Variants in GMPS observed in about 807,000 individuals in gnomAD.
The protein encoded by GMPS is GMP synthase [glutamine-hydrolyzing].
In GMPS, 15 loss-of-function variants were observed where a neutral mutation model predicts 77.9. The ratio of observed to expected loss-of-function variants is 0.19; its 90% confidence interval spans 0.13 to 0.30. GMPS has a LOEUF of 0.30. Ranked by LOEUF, GMPS falls within the 10% of genes least tolerant of loss-of-function variation. The pLI is 1.00. For synonymous variants in GMPS, 224 were observed against 275.9 expected (o/e 0.81, Z 1.86); for missense variants, 590 against 838.8 (o/e 0.70, Z 3.66).
chr3:155,905,233 G>C (rs908732520), intron 4 of GMPS, among the ~76,000 whole-genome samples: 1 of 151,872 alleles, frequency 6.6e-6, no homozygotes, highest in East Asian at 1.9e-4. Flanking sequence ...TTGAACTCCC[G>C]ATCTCAGGTG....
chr3:155,897,427 C>CT (rs1164631990), intron 2 of GMPS, among the ~76,000 whole-genome samples: 1 of 152,162 alleles, frequency 6.6e-6, no homozygotes. Context: ...ATGGTGGATG[C>CT]TGTAAACAGG....
chr3:155,930,642 G>A (rs62287803), intron 12 of GMPS, among the ~76,000 whole-genome samples: 8,648 of 152,110 alleles, frequency 0.057, 331 homozygotes, highest in East Asian at 0.18. Flanking sequence ...AGAATCTACA[G>A]TGAACTCAAA....
rs374128530 is a variant in GMPS, at chr3:155,893,607, A to G, written c.117A>G (p.Lys39=). Residue 39 remains lysine (K), a synonymous_variant, in exon 2 of 16, where the codon AAA becomes AAG. Transcript: ENST00000496455. ...VILDAGAQYG[K]VIDRRVRELF... The stretch of plus-strand genomic sequence containing the variant: ...TGGATGCTGGTGCTCAGTACGGGAA[A>G]GTCATAGACCGAAGAGTGAGGGAAC... 128 of 1,612,454 alleles carry G rather than the reference A, an allele frequency of 7.9e-5. No homozygotes were observed. Among genetic ancestry groups the G allele is most frequent in the Non-Finnish European group, 1.1e-4 (125 of 1,178,578 alleles).
At chr3:155,928,351 A>G (rs1250198341) in intron 12 of GMPS, among the ~76,000 whole-genome samples, 3 of 152,076 alleles carry the variant, frequency 2.0e-5, no homozygotes, top group Non-Finnish European at 2.9e-5. Context: ...TATAGATGCT[A>G]TCACATTAGC....
At chr3:155,925,974 T>G (rs1324484304) in intron 12 of GMPS, among the ~76,000 whole-genome samples, 1 of 152,182 alleles carries the variant, frequency 6.6e-6, no homozygotes, top group Non-Finnish European at 1.5e-5. Context: ...AAAATGCTAC[T>G]TGCAAAATGA....
At chr3:155,887,562 G>A (rs1754365895) in intron 1 of GMPS, among the ~76,000 whole-genome samples, 1 of 152,218 alleles carries the variant, frequency 6.6e-6, no homozygotes, top group Admixed American at 6.5e-5. Context: ...AGGAGACAAT[G>A]TATGACAATG....
At chr3:155,887,236 A>G (rs1247169742) in intron 1 of GMPS, among the ~76,000 whole-genome samples, 1 of 152,188 alleles carries the variant, frequency 6.6e-6, no homozygotes, top group Non-Finnish European at 1.5e-5. Flanking sequence ...TCTAAGGGGA[A>G]GTCACTGTAA....
At chr3:155,888,064 C>T (rs1754377221) in intron 1 of GMPS, among the ~76,000 whole-genome samples, 1 of 152,044 alleles carries the variant, frequency 6.6e-6, no homozygotes, top group Non-Finnish European at 1.5e-5. Context: ...GACCAACATT[C>T]CTTTATTTTA....
chr3:155,906,332 G>A lies in GMPS; in HGVS notation c.526+69G>A, dbSNP rs1420687371. 8.7e-6 allele frequency: 7 copies of A among 806,980 alleles called. No individual in the cohort carries two copies. In the Admixed American group the frequency reaches 8.9e-5, roughly 10 times the overall value. The allele number at this position is 806,980 out of a possible 1,614,324, so 50.0% of individuals were successfully genotyped here. A position where few individuals can be genotyped will look rare whatever the true frequency, so the allele number is the denominator to read the frequency against. On this transcript the variant is annotated intron_variant, in intron 5 of 15. Coordinates refer to ENST00000496455, the MANE Select transcript of GMPS (RefSeq NM_003875.3). The stretch of plus-strand genomic sequence containing the variant: ...ATCTGAAGAGTAAGCATATGCTTCT[G>A]TATGAGGTACTCTTTGATTTTTCCT...
intron 2 of GMPS, among the ~76,000 whole-genome samples, chr3:155,895,862 C>A (rs187921667): frequency 3.3e-5 from 5 of 152,056 alleles, no homozygotes; most frequent in Admixed American, 2.0e-4. Context: ...AATCTTATAT[C>A]CTAGAGTTCT....
chr3:155,910,662 T>A lies in GMPS; in HGVS notation c.527-30T>A, dbSNP rs80329547. Reference sequence around the variant, plus strand: ...CTTGAGTCTTTTCAGCATGAAAAAATTTTAATTTGTGACTATTTTCTCTAT... The same window carrying A: ...CTTGAGTCTTTTCAGCATGAAAAAAATTTAATTTGTGACTATTTTCTCTAT... On this transcript the variant is annotated intron_variant, in intron 5 of 15. Transcript: ENST00000496455. 4.4e-4 allele frequency: 548 copies of A among 1,235,450 alleles called. 6 individuals are homozygous for A. The East Asian group carries it at 1.0e-2, about 22-fold the overall frequency. 76.5% of individuals were successfully genotyped at this position (1,235,450 alleles called of 1,614,324 possible). A position where few individuals can be genotyped will look rare whatever the true frequency, so the allele number is the denominator to read the frequency against.
intron 2 of GMPS, among the ~76,000 whole-genome samples, chr3:155,897,391 C>T (rs1418275976): frequency 6.6e-6 from 1 of 152,152 alleles, no homozygotes. Flanking sequence ...AGCTCCCTTT[C>T]CTGGGCTCAG....
intron 1 of GMPS, among the ~76,000 whole-genome samples, chr3:155,886,745 A>G (rs1754349222): frequency 6.8e-6 from 1 of 147,886 alleles, no homozygotes; most frequent in Non-Finnish European, 1.5e-5. Context: ...TGACCTTGTG[A>G]TCCACCCGCC....
chr3:155,911,887 A>T (rs1755048456), intron 7 of GMPS, among the ~76,000 whole-genome samples: 1 of 151,876 alleles, frequency 6.6e-6, no homozygotes, highest in African/African-American at 2.4e-5. Context: ...ATTTAATGAT[A>T]TTTATGTACG....
At chr3:155,914,755 TG>T (rs1214410013) in intron 8 of GMPS, among the ~76,000 whole-genome samples, 185 bp downstream of exon 8, 1 of 151,992 alleles carries the variant, frequency 6.6e-6, no homozygotes, top group Non-Finnish European at 1.5e-5. Context: ...GTTTTTTTGT[TG>T]TTGTTTGGTT....
chr3:155,938,827 T>G lies in GMPS; in HGVS notation c.*1135T>G, dbSNP rs1755822822. The G allele has an allele frequency of 4.7e-6, 1 of 212,526 alleles. No individual in the cohort carries two copies. The highest frequency in any genetic ancestry group is 9.5e-6 in the Non-Finnish European group (1 of 105,024). The allele number at this position is 212,526 out of a possible 1,614,324, so 13.2% of individuals were successfully genotyped here. ...AGGACTTGTTGCCATCACCACCAGT[T>G]TCTAACAGATCTTTTATAACATTCA... On this transcript the variant is annotated 3_prime_UTR_variant, in exon 16 of 16. Coordinates refer to ENST00000496455, the MANE Select transcript of GMPS (RefSeq NM_003875.3).
chr3:155,911,036 A>G, intron 6 of GMPS, 78 bp from the exon 7 acceptor site: 1 of 1,247,892 alleles, frequency 8.0e-7, no homozygotes, highest in Non-Finnish European at 1.1e-6. Context: ...TAGCACTTTT[A>G]GATAAAGATT....
intron 13 of GMPS, among the ~76,000 whole-genome samples, chr3:155,933,509 T>G (rs1755681541): frequency 6.6e-6 from 1 of 150,702 alleles, no homozygotes; most frequent in Admixed American, 6.6e-5. Context: ...CTGTATTGTT[T>G]AGAAAAATTA....
rs1218536832 is a variant in GMPS, at chr3:155,932,765, G to A, written c.1676+885G>A. 3.3e-5 allele frequency among the ~76,000 whole-genome samples: 5 copies of A among 152,298 alleles called. No homozygotes were observed. The South Asian group carries it at 6.2e-4, about 19-fold the overall frequency. On this transcript the variant is annotated intron_variant, in intron 13 of 15. Coordinates refer to ENST00000496455, the MANE Select transcript of GMPS (RefSeq NM_003875.3). Reference sequence around the variant, plus strand: ...TAAGCTAGCAGAGTCTGTATAGTTCGAGATAAGGAGTTACAGGGAAGCCAT... The same window carrying A: ...TAAGCTAGCAGAGTCTGTATAGTTCAAGATAAGGAGTTACAGGGAAGCCAT...
Sources: gnomAD v4.1 joint callset for allele counts (sites outside exome capture counted in the v4.1 genomes callset) on GRCh38, gnomAD v4.1.1 for gene constraint, MANE v1.5 for transcripts, NCBI Gene and HGNC (gene_info 2026-07-23, HGNC 2026-07-21) for gene names.